ELAPOR2: variants seen among roughly 807,000 people sequenced by gnomAD.
ELAPOR2 encodes endosome-lysosome associated apoptosis and autophagy regulator family member 2.
Under a neutral mutation model 120.7 loss-of-function variants are expected in ELAPOR2, and 89 were observed. That is an observed-to-expected ratio of 0.74 (90% confidence interval 0.62 to 0.88). The LOEUF (loss-of-function observed/expected upper bound fraction) is 0.88. Ranked by LOEUF, ELAPOR2 falls within the 40% of genes least tolerant of loss-of-function variation. The pLI, the probability that ELAPOR2 is intolerant of heterozygous loss-of-function variation, is 0.00. For missense variants in ELAPOR2, 1,134 were observed against 1,251.6 expected (o/e 0.91, Z 1.42); for synonymous variants, 444 against 444.9 (o/e 1.00, Z 0.03).
At chr7:87,038,354 T>A (rs1042421536) in intron 1 of ELAPOR2, among the ~76,000 whole-genome samples, 4 of 152,202 alleles carry the variant, frequency 2.6e-5, no homozygotes, top group African/African-American at 4.8e-5. Flanking sequence ...ATATTACATA[T>A]CTCAAAACAC....
chr7:86,937,351 A>T (rs1033713060), intron 8 of ELAPOR2, among the ~76,000 whole-genome samples: 1 of 152,134 alleles, frequency 6.6e-6, no homozygotes, highest in East Asian at 1.9e-4. Flanking sequence ...ATTCCCTGAC[A>T]TCTATATATG....
chr7:87,033,631 A>T (rs1452456213), intron 1 of ELAPOR2, among the ~76,000 whole-genome samples: 1 of 152,040 alleles, frequency 6.6e-6, no homozygotes, highest in Non-Finnish European at 1.5e-5. Context: ...AAATGGGCGA[A>T]CTTAAGAGAA....
chr7:87,033,744 T>C (rs529452954), intron 1 of ELAPOR2, among the ~76,000 whole-genome samples: 1 of 152,118 alleles, frequency 6.6e-6, no homozygotes, highest in Admixed American at 6.5e-5. Context: ...TGCCACCATA[T>C]AAAACTATAT....
chr7:87,038,114 A>G (rs953434770), intron 1 of ELAPOR2, among the ~76,000 whole-genome samples: 2 of 152,234 alleles, frequency 1.3e-5, no homozygotes, highest in African/African-American at 4.8e-5. Flanking sequence ...AAATATCTAA[A>G]ACACACTCTT....
intron 1 of ELAPOR2, among the ~76,000 whole-genome samples, chr7:86,968,521 T>C (rs143938774): frequency 3.3e-5 from 5 of 152,274 alleles, no homozygotes; most frequent in African/African-American, 9.6e-5. Context: ...ATAAAATACA[T>C]TTTCATTTCT....
chr7:87,037,974 C>G (rs1197922167), intron 1 of ELAPOR2, among the ~76,000 whole-genome samples: 2 of 152,164 alleles, frequency 1.3e-5, no homozygotes, highest in Non-Finnish European at 2.9e-5. Flanking sequence ...GACTCCATCA[C>G]AGCACTTAAC....
At chr7:86,889,555 G>C (rs1788033854) in intron 21 of ELAPOR2, among the ~76,000 whole-genome samples, 1 of 151,742 alleles carries the variant, frequency 6.6e-6, no homozygotes, top group African/African-American at 2.4e-5. Flanking sequence ...GCTAGATAAA[G>C]GGATGATTTA....
intron 18 of ELAPOR2, among the ~76,000 whole-genome samples, chr7:86,906,409 T>C (rs1395582623): frequency 6.6e-6 from 1 of 152,092 alleles, no homozygotes; most frequent in Non-Finnish European, 1.5e-5. Context: ...CATAGGTCTA[T>C]GAGAAGTGGA....
At chr7:87,037,558 T>C (rs1382496768) in intron 1 of ELAPOR2, among the ~76,000 whole-genome samples, 5 of 152,192 alleles carry the variant, frequency 3.3e-5, no homozygotes, top group African/African-American at 1.2e-4. Flanking sequence ...TTAGTTCTGT[T>C]AGTTATTTTC....
At chr7:87,005,434 C>T (rs1257834202) in intron 1 of ELAPOR2, among the ~76,000 whole-genome samples, 1 of 152,126 alleles carries the variant, frequency 6.6e-6, no homozygotes, top group Non-Finnish European at 1.5e-5. Flanking sequence ...TGACATATTT[C>T]ACCTAACAGC....
intron 1 of ELAPOR2, among the ~76,000 whole-genome samples, chr7:87,032,133 C>T (rs897593706): frequency 6.6e-6 from 1 of 152,102 alleles, no homozygotes; most frequent in Non-Finnish European, 1.5e-5. Flanking sequence ...TTACATATGT[C>T]AAAACTGATC....
chr7:86,912,851 A>G (rs996420643), intron 14 of ELAPOR2, 90 bp downstream of exon 14: 1 of 1,450,560 alleles, frequency 6.9e-7, no homozygotes, highest in Non-Finnish European at 9.4e-7. Flanking sequence ...TAGCAACCTC[A>G]TAGCTCCCAG....
chr7:87,032,836 G>C (rs971126261), intron 1 of ELAPOR2, among the ~76,000 whole-genome samples: 2 of 152,164 alleles, frequency 1.3e-5, no homozygotes, highest in Non-Finnish European at 2.9e-5. Context: ...ATCAAGACAG[G>C]AGGACCAGTG....
intron 1 of ELAPOR2, among the ~76,000 whole-genome samples, chr7:86,989,285 A>G (rs2116589891): frequency 6.6e-6 from 1 of 152,322 alleles, no homozygotes; most frequent in African/African-American, 2.4e-5. Flanking sequence ...AAGAGAGTAA[A>G]ATATGCACAT....
At chr7:86,935,282 C>T (rs1412694672) in intron 8 of ELAPOR2, among the ~76,000 whole-genome samples, 2 of 152,004 alleles carry the variant, frequency 1.3e-5, no homozygotes, top group Non-Finnish European at 2.9e-5. Flanking sequence ...TGCCCACATC[C>T]CCACATTCTA....
At chr7:86,919,951 A>G (rs141090598) in intron 10 of ELAPOR2, 25 of 152,270 alleles carry the variant, frequency 1.6e-4, no homozygotes, top group African/African-American at 5.5e-4. Flanking sequence ...CAATCAATAT[A>G]AACTGAAATG....
intron 1 of ELAPOR2, among the ~76,000 whole-genome samples, chr7:87,033,185 T>C (rs1401653646): frequency 6.6e-6 from 1 of 152,232 alleles, no homozygotes; most frequent in East Asian, 1.9e-4. Flanking sequence ...ATCCCAGCTT[T>C]ATGGCTCACT....
chr7:86,879,420 C>G lies in ELAPOR2; in HGVS notation c.*1051G>C, dbSNP rs765143715. The G allele has an allele frequency of 2.6e-5, 4 of 152,126 alleles. No individual in the cohort carries two copies. Among genetic ancestry groups the G allele is most frequent in the African/African-American group, 4.8e-5 (2 of 41,444 alleles). 9.4% of individuals were successfully genotyped at this position (152,126 alleles called of 1,614,324 possible). On this transcript the variant is annotated 3_prime_UTR_variant, in exon 22 of 22. Transcript: ENST00000450689. ...ATATGTAATTTTTCAAAACTGAATT[C>G]CTGCCTTATTGGATTATTTTTTTAA...
At chr7:86,957,221 A>G (rs1008425199) in intron 2 of ELAPOR2, among the ~76,000 whole-genome samples, 5 of 152,236 alleles carry the variant, frequency 3.3e-5, no homozygotes, top group African/African-American at 1.2e-4. Context: ...CTGGAACTCA[A>G]TGTAGCAACA....
Sources: allele counts gnomAD v4.1 joint callset (sites outside exome capture counted in the v4.1 genomes callset), GRCh38; gene constraint gnomAD v4.1.1; transcripts MANE v1.5; gene names NCBI Gene and HGNC (gene_info 2026-07-23, HGNC 2026-07-21).